The following PMFBP1 variants were observed in gnomAD, a reference collection of about 807,000 sequenced individuals.
The protein encoded by PMFBP1 is polyamine modulated factor 1 binding protein 1.
In PMFBP1, 131 loss-of-function variants were observed where a neutral mutation model predicts 137.8. The ratio of observed to expected loss-of-function variants is 0.95; its 90% CI spans 0.82 to 1.10. The LOEUF is 1.10. Among genes scored for constraint, PMFBP1 ranks in the 50% least tolerant of loss-of-function variants. The pLI, the probability that PMFBP1 is intolerant of heterozygous loss-of-function variation, is 0.00. For missense variants in PMFBP1, 1,199 were observed against 1,175.4 expected, an observed-to-expected ratio of 1.02 and a Z score of -0.29; for synonymous variants, 490 against 450.4, an observed-to-expected ratio of 1.09 and a Z score of -1.11.
At chr16:72,183,873 C>T in the PMFBP1 span, among the ~76,000 whole-genome samples, 1 of 152,152 alleles carries the variant, frequency 6.6e-6, no homozygotes, top group Non-Finnish European at 1.5e-5. Flanking sequence ...ATCCCCCTTT[C>T]CCCATATTCA....
the PMFBP1 span, among the ~76,000 whole-genome samples, chr16:72,200,027 G>A: frequency 1.3e-5 from 2 of 152,270 alleles, no homozygotes; most frequent in Admixed American, 1.3e-4. Context: ...AGCAGTTTGA[G>A]TGTGACATTT....
chr16:72,178,329 GTTA>G (rs139546854), upstream of PMFBP1, among the ~76,000 whole-genome samples: 26 of 152,240 alleles, frequency 1.7e-4, 1 homozygote, highest in East Asian at 4.6e-3. Context: ...CTACTATAAA[GTTA>G]TTATTTTTCC....
At position 72,130,523 on chromosome 16, in the gene PMFBP1, G is replaced by A; in HGVS notation, c.1637+10C>T. The A allele has an allele frequency of 6.2e-7, 1 of 1,613,966 alleles. No individual in the cohort carries two copies. The highest frequency in any genetic ancestry group is 2.2e-5 in the East Asian group (1 of 44,860). On this transcript the variant is annotated intron_variant, in intron 11 of 20. Coordinates refer to ENST00000237353, the MANE Select transcript of PMFBP1 (RefSeq NM_031293.3). ...AACCTCTCTCTGGAGGGGAGCCTGA[G>A]CCTGGGCACCTGTTGGAGGTTTGTT...
At position 72,132,826 on chromosome 16, in the gene PMFBP1, C is replaced by A. The variant is rs1398251510; in HGVS notation, c.1369G>T (p.Glu457Ter). ...ACCTCAGCCTGCAGGGCCTTGCACT[C>A]CGCCTCCTTGGACTTGTCCTGCTTA... ...EAKQDKSKEA[E>*]CKALQAEVQK... The change falls in exon 10 of 21, where the codon GAG becomes TAG. Residue 457 changes from glutamate to a stop codon, truncating the protein, a stop_gained. Transcript: ENST00000237353. LOFTEE classifies it high-confidence loss of function. The A allele has an allele frequency of 6.2e-7, 1 of 1,614,196 alleles. No homozygotes were observed. Among genetic ancestry groups the A allele is most frequent in the East Asian group, 2.2e-5 (1 of 44,878 alleles).
chr16:72,236,217 C>T, the PMFBP1 span, among the ~76,000 whole-genome samples: 163 of 152,164 alleles, frequency 1.1e-3, 1 homozygote, highest in Non-Finnish European at 2.6e-4. Context: ...TAGATTTTGT[C>T]AAATGCTTAT....
the PMFBP1 span, among the ~76,000 whole-genome samples, chr16:72,196,834 T>C: frequency 6.6e-6 from 1 of 152,206 alleles, no homozygotes; most frequent in Admixed American, 6.5e-5. Flanking sequence ...CAATGCCTTA[T>C]AGAGAGACAT....
the PMFBP1 span, among the ~76,000 whole-genome samples, chr16:72,189,435 A>G: frequency 6.6e-6 from 1 of 152,346 alleles, no homozygotes; most frequent in Non-Finnish European, 1.5e-5. Flanking sequence ...ACAGTGGCAT[A>G]AGAAGAGATG....
chr16:72,223,406 T>C, the PMFBP1 span, among the ~76,000 whole-genome samples: 2 of 152,220 alleles, frequency 1.3e-5, no homozygotes, highest in South Asian at 2.1e-4. Context: ...TCATCCTTAA[T>C]TGCAAGGCTC....
intron 4 of PMFBP1, among the ~76,000 whole-genome samples, chr16:72,151,416 A>C (rs2042901517): frequency 6.6e-6 from 1 of 152,240 alleles, no homozygotes; most frequent in Non-Finnish European, 1.5e-5. Flanking sequence ...GGATATATAC[A>C]TATTAGACAT....
chr16:72,129,033 C>T, intron 13 of PMFBP1, 33 bp downstream of exon 13: 2 of 1,606,874 alleles, frequency 1.2e-6, no homozygotes, highest in South Asian at 1.1e-5. Context: ...CTCTGGATTC[C>T]TGACCCAGCT....
At chr16:72,153,498 G>C (rs960953537) in intron 4 of PMFBP1, among the ~76,000 whole-genome samples, 10 of 152,042 alleles carry the variant, frequency 6.6e-5, no homozygotes, top group African/African-American at 2.2e-4. Flanking sequence ...GAGTACGTCT[G>C]TCCCATCATT....
At chr16:72,123,061 T>C in intron 18 of PMFBP1, 73 bp from the exon 19 acceptor site, 1 of 1,342,400 alleles carries the variant, frequency 7.4e-7, no homozygotes. Flanking sequence ...GCTGGCTGAA[T>C]GGGATGCTGG....
the PMFBP1 span, among the ~76,000 whole-genome samples, chr16:72,183,935 T>G: frequency 5.3e-5 from 8 of 152,270 alleles, no homozygotes; most frequent in Admixed American, 5.2e-4. Flanking sequence ...AAGGTCAAAG[T>G]TTTGGGTGTC....
the PMFBP1 span, among the ~76,000 whole-genome samples, chr16:72,195,037 C>T: frequency 2.0e-4 from 30 of 152,290 alleles, 2 homozygotes; most frequent in Admixed American, 1.0e-3. Context: ...GACAACTTCC[C>T]TTCAATCTGC....
At chr16:72,220,589 CTATT>C in the PMFBP1 span, among the ~76,000 whole-genome samples, 6 of 152,122 alleles carry the variant, frequency 3.9e-5, no homozygotes, top group African/African-American at 1.2e-4. Flanking sequence ...CATTTAATGA[CTATT>C]TAATCAGAAA....
chr16:72,218,751 C>T, the PMFBP1 span, among the ~76,000 whole-genome samples: 2 of 152,112 alleles, frequency 1.3e-5, no homozygotes, highest in East Asian at 3.8e-4. Flanking sequence ...GCTCACTCGC[C>T]AAAGTTCACT....
At chr16:72,197,498 C>G in the PMFBP1 span, among the ~76,000 whole-genome samples, 1 of 152,310 alleles carries the variant, frequency 6.6e-6, no homozygotes, top group Non-Finnish European at 1.5e-5. Context: ...GTACCCGGGG[C>G]TCCATGGGCA....
At chr16:72,137,614 C>T (rs907681415) in intron 7 of PMFBP1, among the ~76,000 whole-genome samples, 3 of 152,148 alleles carry the variant, frequency 2.0e-5, no homozygotes, top group Middle Eastern at 3.4e-3. Context: ...GCGGCTGGCA[C>T]GGAGCAGGCA....
At chr16:72,146,538 AG>A (rs2042809362) in intron 5 of PMFBP1, among the ~76,000 whole-genome samples, 1 of 152,206 alleles carries the variant, frequency 6.6e-6, no homozygotes, top group African/African-American at 2.4e-5. Flanking sequence ...ATCACGCAAG[AG>A]AAAGAAATAA....
Sources: gnomAD v4.1 joint callset for allele counts (sites outside exome capture counted in the v4.1 genomes callset) on GRCh38, gnomAD v4.1.1 for gene constraint, MANE v1.5 for transcripts, NCBI Gene and HGNC (gene_info 2026-07-23, HGNC 2026-07-21) for gene names.